The following ATP11B variants were observed in gnomAD, a reference collection of about 807,000 sequenced individuals.
The protein encoded by ATP11B is phospholipid-transporting ATPase IF.
Under a neutral mutation model 157.8 loss-of-function variants are expected in ATP11B, and 81 were observed. That is an observed-to-expected ratio of 0.51 (90% CI 0.43 to 0.62). The LOEUF (loss-of-function observed/expected upper bound fraction) is 0.62. ATP11B is among the 20% of genes least tolerant of loss of function. The pLI is 0.00. For missense variants in ATP11B, 1,165 were observed against 1,402.2 expected (o/e 0.83, Z 2.70); for synonymous variants, 451 against 469.4 (o/e 0.96, Z 0.51).
intron 10 of ATP11B, among the ~76,000 whole-genome samples, chr3:182,854,925 TC>T (rs1248787684): frequency 6.6e-6 from 1 of 151,924 alleles, no homozygotes; most frequent in African/African-American, 2.4e-5. Context: ...AAATCAAAGA[TC>T]TAAATAAATG....
chr3:182,808,967 A>G (rs538888438), intron 1 of ATP11B, among the ~76,000 whole-genome samples: 1 of 152,134 alleles, frequency 6.6e-6, no homozygotes, highest in African/African-American at 2.4e-5. Context: ...TTTAATTTAA[A>G]GTCTTAGATT....
intron 17 of ATP11B, 97 bp from the exon 18 acceptor site, chr3:182,872,259 G>T: frequency 1.3e-6 from 1 of 799,366 alleles, no homozygotes; most frequent in South Asian, 2.0e-5. Flanking sequence ...TTGACTTTTG[G>T]TACTAGGTCT....
At chr3:182,802,946 G>A (rs1716101115) in intron 1 of ATP11B, among the ~76,000 whole-genome samples, 1 of 152,140 alleles carries the variant, frequency 6.6e-6, no homozygotes, top group Non-Finnish European at 1.5e-5. Context: ...TTTGTTGCTA[G>A]GCTTTGGAAC....
intron 18 of ATP11B, among the ~76,000 whole-genome samples, chr3:182,873,297 C>G (rs1721797672): frequency 6.6e-6 from 1 of 152,132 alleles, no homozygotes; most frequent in Admixed American, 6.6e-5. Context: ...CCTCCACCAC[C>G]TAGACCTAAG....
At chr3:182,904,896 A>G (rs1724228059) in intron 28 of ATP11B, among the ~76,000 whole-genome samples, 2 of 139,864 alleles carry the variant, frequency 1.4e-5, no homozygotes, top group African/African-American at 5.7e-5. Context: ...CTTAAAAAAA[A>G]AAAAAAAAAA....
intron 29 of ATP11B, chr3:182,916,040 TTC>T (rs1725120037): frequency 1.2e-5 from 12 of 985,160 alleles, no homozygotes; most frequent in Non-Finnish European, 1.4e-5. Flanking sequence ...GTTCATTCTT[TTC>T]TAGGGGATAA....
chr3:182,913,865 C>T lies in ATP11B; in HGVS notation c.3323C>T (p.Thr1108Ile). The T allele has an allele frequency of 2.5e-6, 4 of 1,614,100 alleles. No individual in the cohort carries two copies. Among genetic ancestry groups the T allele is most frequent in the Non-Finnish European group, 3.4e-6 (4 of 1,179,942 alleles). ...HPTSTEKAQL[T>I]ETNAGIKCLD... Reference sequence around the variant, plus strand: ...TTTCTGCTTCACCTCCCGCAGCTTACTGAAACAAATGCAGGTATCAAGTGC... The same window carrying T: ...TTTCTGCTTCACCTCCCGCAGCTTATTGAAACAAATGCAGGTATCAAGTGC... The change falls in exon 29 of 30, where the codon ACT becomes ATT. Residue 1108 changes from threonine (T) to isoleucine (I), a missense_variant. Thr to Ile is a moderately conservative substitution (Grantham distance 89). This residue lies in a region of ATP11B where 303 missense variants were observed against 296.3 expected (regional missense o/e 1.02). Transcript: ENST00000323116.
intron 27 of ATP11B, among the ~76,000 whole-genome samples, chr3:182,898,014 CAAAAA>C (rs1316671458): frequency 6.6e-6 from 1 of 150,842 alleles, no homozygotes; most frequent in Non-Finnish European, 1.5e-5. Flanking sequence ...ATTTATCAGA[CAAAAA>C]AAAGCTTCTG....
intron 26 of ATP11B, 36 bp downstream of exon 26, chr3:182,896,801 G>A (rs748276701): frequency 7.3e-6 from 11 of 1,512,708 alleles, no homozygotes; most frequent in Non-Finnish European, 1.0e-5. Context: ...GACACATTTT[G>A]CAACTGTTTA....
At chr3:182,867,354 T>C (rs745990261) in intron 14 of ATP11B, 22 bp from the exon 15 acceptor site, 7 of 1,507,458 alleles carry the variant, frequency 4.6e-6, no homozygotes, top group Non-Finnish European at 6.5e-6. Context: ...AAGTCTCACT[T>C]TTTTATCCTT....
Position 182,897,420 on chromosome 3 carries a change from T to G in ATP11B, c.3152+14T>G. On this transcript the variant is annotated intron_variant, in intron 27 of 29. Transcript: ENST00000323116. ...AGGGATTCTCTGGTGAGTGAATATATTGTATTTTAATTGGATTGCTTCAAC... is the reference window on the plus strand; with the variant it reads ...AGGGATTCTCTGGTGAGTGAATATAGTGTATTTTAATTGGATTGCTTCAAC... The G allele has an allele frequency of 6.8e-7, 1 of 1,478,602 alleles. No homozygotes were observed. The highest frequency in any genetic ancestry group is 9.2e-7 in the Non-Finnish European group (1 of 1,083,844). 91.6% of individuals were successfully genotyped at this position (1,478,602 alleles called of 1,614,324 possible). A position where few individuals can be genotyped will look rare whatever the true frequency, so the allele number is the denominator to read the frequency against.
rs1462237219 is a variant in ATP11B, at chr3:182,917,152, C to T, written c.3453-871C>T. 79 of 985,268 alleles carry T rather than the reference C, an allele frequency of 8.0e-5. No individual in the cohort carries two copies. In the South Asian group the frequency reaches 1.3e-3, roughly 16 times the overall value. The allele number at this position is 985,268 out of a possible 1,614,324, so 61.0% of individuals were successfully genotyped here. On this transcript the variant is annotated intron_variant, in intron 29 of 29. Transcript: ENST00000323116. ...AAAGGTGAATTGGGGCCTTTTTTAA[C>T]GCTCATCTCTTCCTGTAACATCTCT... is the stretch of plus-strand genomic sequence containing the variant.
rs898813477 is a variant in ATP11B, at chr3:182,857,574, AAACTT to A, written c.852-302_852-298del. ...GGGTGCTGAAAATGTAAAAAAAAAA[AAACTT>A]AGAATAATTACTTATGGCAAAAATA... is the stretch of plus-strand genomic sequence containing the variant. On this transcript the variant is annotated intron_variant, in intron 10 of 29. Coordinates refer to ENST00000323116, the MANE Select transcript of ATP11B (RefSeq NM_014616.3). Among the ~76,000 whole-genome samples, 121 of 147,884 alleles carry A rather than the reference AAACTT, an allele frequency of 8.2e-4. 2 individuals are homozygous for A. Among genetic ancestry groups the A allele is most frequent in the Non-Finnish European group, 1.5e-4 (10 of 67,020 alleles).
At chr3:182,873,502 G>C (rs527490005) in intron 18 of ATP11B, among the ~76,000 whole-genome samples, 2 of 152,076 alleles carry the variant, frequency 1.3e-5, no homozygotes, top group African/African-American at 2.4e-5. Context: ...GTAAGACTTC[G>C]TAATAAAACA....
intron 29 of ATP11B, chr3:182,914,822 G>C (rs1215113703): frequency 3.0e-6 from 3 of 985,096 alleles, no homozygotes; most frequent in African/African-American, 1.7e-5. Flanking sequence ...AGGATGTTAG[G>C]GGGTAGAAAG....
intron 12 of ATP11B, among the ~76,000 whole-genome samples, chr3:182,859,721 T>G (rs959751821): frequency 6.6e-6 from 1 of 152,188 alleles, no homozygotes; most frequent in Non-Finnish European, 1.5e-5. Context: ...TTATTATGAT[T>G]GTTTTAATAT....
At chr3:182,888,225 T>C (rs924980629) in intron 24 of ATP11B, among the ~76,000 whole-genome samples, 2 of 152,222 alleles carry the variant, frequency 1.3e-5, no homozygotes, top group African/African-American at 2.4e-5. Flanking sequence ...TAAGCTCTTA[T>C]AGAGATAGCT....
intron 7 of ATP11B, among the ~76,000 whole-genome samples, chr3:182,837,743 CTA>C (rs763484954): frequency 2.6e-5 from 4 of 151,916 alleles, no homozygotes; most frequent in Non-Finnish European, 4.4e-5. Flanking sequence ...AAAATAAAAA[CTA>C]TTTTTCTAGT....
Position 182,828,155 on chromosome 3 carries a change from T to A in ATP11B, c.180T>A (p.Phe60Leu). The change falls in exon 3 of 30, where the codon TTT (phenylalanine) becomes TTA (leucine). Residue 60 changes from phenylalanine to leucine, a missense_variant. Phe to Leu is a conservative substitution (Grantham distance 22). This residue lies in a region of ATP11B where 91 missense variants were observed against 95.8 expected (regional missense o/e 0.95). Transcript: ENST00000323116. ...TVWNFVPKNLFEQFRRVANFY... is the reference protein window; with the variant it reads ...TVWNFVPKNLLEQFRRVANFY... ...GGAATTTTGTTCCAAAAAATTTATT[T>A]GAACAGTTCAGAAGAGTGGCAAACT... 6.7e-7 allele frequency: 1 copy of A among 1,492,452 alleles called. No homozygotes were observed. Among genetic ancestry groups the A allele is most frequent in the African/African-American group, 1.4e-5 (1 of 70,836 alleles). The allele number at this position is 1,492,452 out of a possible 1,614,324, so 92.5% of individuals were successfully genotyped here.
Sources: allele counts gnomAD v4.1 joint callset (sites outside exome capture counted in the v4.1 genomes callset), GRCh38; gene constraint gnomAD v4.1.1; regional missense constraint gnomAD v4.1.1; transcripts MANE v1.5; gene names NCBI Gene and HGNC (gene_info 2026-07-23, HGNC 2026-07-21).